The following IQCJ variants were observed in gnomAD, a reference collection of about 807,000 sequenced individuals.
The protein encoded by IQCJ is IQ domain-containing protein J.
IQCJ carries 9 observed loss-of-function variants against 11.0 expected under a neutral mutation model. That is an observed-to-expected ratio of 0.82 (90% CI 0.49 to 1.43). The LOEUF is 1.43. Ranked by LOEUF, IQCJ falls within the 40% of genes most tolerant of loss-of-function variation. The pLI is 0.00. For synonymous variants in IQCJ, 55 were observed against 51.3 expected (o/e 1.07, Z -0.31); for missense variants, 146 against 133.2 (o/e 1.10, Z -0.47).
At chr3:159,197,872 T>C (rs886776655) in intron 1 of IQCJ, among the ~76,000 whole-genome samples, 2 of 152,074 alleles carry the variant, frequency 1.3e-5, no homozygotes, top group Non-Finnish European at 2.9e-5. Context: ...AATTTTAATA[T>C]GATGTCTTTT....
chr3:159,103,780 A>T (rs1718077397), intron 1 of IQCJ, among the ~76,000 whole-genome samples: 1 of 152,248 alleles, frequency 6.6e-6, no homozygotes, highest in South Asian at 2.1e-4. Context: ...TTATATCAGA[A>T]AGGAACACTT....
chr3:159,114,159 C>T (rs532559740), intron 1 of IQCJ, among the ~76,000 whole-genome samples: 6 of 152,138 alleles, frequency 3.9e-5, no homozygotes, highest in Non-Finnish European at 8.8e-5. Context: ...AAGCTGACCT[C>T]GCATTGTCTG....
At position 159,252,882 on chromosome 3, in the gene IQCJ, G is replaced by A; in HGVS notation, c.155+75G>A. 2.1e-6 allele frequency: 3 copies of A among 1,430,348 alleles called. No homozygotes were observed. The Admixed American group carries it at 6.0e-5, about 29-fold the overall frequency. The allele number at this position is 1,430,348 out of a possible 1,614,324, so 88.6% of individuals were successfully genotyped here. On this transcript the variant is annotated intron_variant, in intron 3 of 3. Transcript: ENST00000397832. Reference sequence around the variant, plus strand: ...TTCCTGAATAAATCTGGAATTTTCGGGCACAACAGTTATGCATCTTTATTT... The same window carrying A: ...TTCCTGAATAAATCTGGAATTTTCGAGCACAACAGTTATGCATCTTTATTT...
intron 1 of IQCJ, among the ~76,000 whole-genome samples, chr3:159,230,470 T>C (rs1295870506): frequency 1.3e-5 from 2 of 152,216 alleles, no homozygotes; most frequent in African/African-American, 4.8e-5. Context: ...TTTATGATAC[T>C]TGATGTATCC....
chr3:159,140,073 C>T (rs1411747760), intron 1 of IQCJ, among the ~76,000 whole-genome samples: 1 of 152,148 alleles, frequency 6.6e-6, no homozygotes, highest in Non-Finnish European at 1.5e-5. Context: ...TCCCCCTGTT[C>T]ACCCCCATGT....
chr3:159,072,433 G>A (rs6798734), intron 1 of IQCJ, among the ~76,000 whole-genome samples: 111,408 of 151,796 alleles, frequency 0.73, 40,997 homozygotes, highest in East Asian at 0.83. Flanking sequence ...GAAGGTGATG[G>A]CATTGTATGG....
intron 1 of IQCJ, among the ~76,000 whole-genome samples, chr3:159,169,131 C>T (rs920823683): frequency 1.3e-5 from 2 of 151,992 alleles, no homozygotes; most frequent in African/African-American, 4.8e-5. Flanking sequence ...GTATTCCTTT[C>T]TTATAACTGA....
chr3:159,080,865 C>T (rs1716261766), intron 1 of IQCJ, among the ~76,000 whole-genome samples: 1 of 152,060 alleles, frequency 6.6e-6, no homozygotes, highest in Non-Finnish European at 1.5e-5. Flanking sequence ...ACTGTCTCTC[C>T]TCTAGAATAG....
At chr3:159,200,827 G>A (rs1260170038) in intron 1 of IQCJ, among the ~76,000 whole-genome samples, 1 of 152,152 alleles carries the variant, frequency 6.6e-6, no homozygotes, top group South Asian at 2.1e-4. Context: ...AAAGCTTCCT[G>A]GACAGATGAG....
chr3:159,157,987 C>T (rs1219181680), intron 1 of IQCJ, among the ~76,000 whole-genome samples: 1 of 152,138 alleles, frequency 6.6e-6, no homozygotes, highest in Non-Finnish European at 1.5e-5. Context: ...CCTTTTCTAT[C>T]ACAAACAATG....
At position 159,072,549 on chromosome 3, in the gene IQCJ, G is replaced by A. The variant is rs967029851; in HGVS notation, c.9+3108G>A. 2.7e-4 allele frequency among the ~76,000 whole-genome samples: 41 copies of A among 152,062 alleles called. 1 individual carries two copies. Among genetic ancestry groups the A allele is most frequent in the African/African-American group, 9.9e-4 (41 of 41,424 alleles). Reference sequence around the variant, plus strand: ...ATATTCACTAACCTTATTAGAGTCTGTGGAAAATTATTTGATTAAGTAAAC... The same window carrying A: ...ATATTCACTAACCTTATTAGAGTCTATGGAAAATTATTTGATTAAGTAAAC... On this transcript the variant is annotated intron_variant, in intron 1 of 3. Coordinates refer to ENST00000397832, the MANE Select transcript of IQCJ (RefSeq NM_001042706.3).
intron 1 of IQCJ, among the ~76,000 whole-genome samples, chr3:159,213,634 C>CA (rs1725069529): frequency 6.6e-6 from 1 of 152,104 alleles, no homozygotes; most frequent in Non-Finnish European, 1.5e-5. Context: ...AAAAAAGACA[C>CA]AAAACACCTT....
intron 1 of IQCJ, among the ~76,000 whole-genome samples, chr3:159,185,171 A>G (rs1039692426): frequency 6.6e-6 from 1 of 152,208 alleles, no homozygotes; most frequent in Non-Finnish European, 1.5e-5. Flanking sequence ...GGTAATCAGA[A>G]AACTAGGATG....
chr3:159,229,700 T>C (rs1407006875), intron 1 of IQCJ, among the ~76,000 whole-genome samples: 1 of 36 alleles, frequency 0.028, no homozygotes. Context: ...CAAAGTCTCT[T>C]CCTCCTCCTC....
intron 1 of IQCJ, among the ~76,000 whole-genome samples, chr3:159,188,287 G>C (rs1723488629): frequency 6.6e-6 from 1 of 152,108 alleles, no homozygotes; most frequent in Non-Finnish European, 1.5e-5. Flanking sequence ...GCACACGCCT[G>C]TAATCCCAGC....
chr3:159,188,118 A>G (rs907631479), intron 1 of IQCJ, among the ~76,000 whole-genome samples: 1 of 152,200 alleles, frequency 6.6e-6, no homozygotes, highest in African/African-American at 2.4e-5. Flanking sequence ...TTCACTTTAA[A>G]AAAATACTTT....
chr3:159,191,617 C>T (rs1202930692), intron 1 of IQCJ, among the ~76,000 whole-genome samples: 3 of 152,148 alleles, frequency 2.0e-5, no homozygotes, highest in Non-Finnish European at 4.4e-5. Context: ...AGAGGGTTAG[C>T]CAAATAGCCC....
intron 1 of IQCJ, among the ~76,000 whole-genome samples, chr3:159,221,557 A>G (rs1725546336): frequency 6.6e-6 from 1 of 152,176 alleles, no homozygotes; most frequent in Non-Finnish European, 1.5e-5. Flanking sequence ...AAACACTAGT[A>G]CTTTAAAAGC....
At chr3:159,145,626 G>A (rs1026416873) in intron 1 of IQCJ, among the ~76,000 whole-genome samples, 11 of 150,846 alleles carry the variant, frequency 7.3e-5, no homozygotes, top group East Asian at 5.8e-4. Flanking sequence ...AGACTTTTCC[G>A]GAGAAAAAGT....
Sources: allele counts gnomAD v4.1 joint callset (sites outside exome capture counted in the v4.1 genomes callset), GRCh38; gene constraint gnomAD v4.1.1; transcripts MANE v1.5; gene names NCBI Gene and HGNC (gene_info 2026-07-23, HGNC 2026-07-21).